Variants in TBC1D19 observed in about 807,000 individuals in gnomAD.
The protein encoded by TBC1D19 is TBC1 domain family member 19.
A neutral mutation model predicts 89.0 loss-of-function variants in TBC1D19; 60 were observed. The ratio of observed to expected loss-of-function variants is 0.67; its 90% confidence interval spans 0.55 to 0.84. The LOEUF (loss-of-function observed/expected upper bound fraction) is 0.84, where lower values mean the gene tolerates loss of function less well. Ranked by LOEUF, TBC1D19 falls within the 40% of genes least tolerant of loss-of-function variation. TBC1D19 has a pLI of 0.00. For missense variants in TBC1D19, 500 were observed against 610.8 expected (o/e 0.82, Z 1.91); for synonymous variants, 189 against 199.7 (o/e 0.95, Z 0.45).
chr4:26,765,213 G>T, the TBC1D19 span, among the ~76,000 whole-genome samples: 3 of 152,082 alleles, frequency 2.0e-5, no homozygotes, highest in African/African-American at 4.8e-5. Context: ...AGCAGAGGGG[G>T]TTTGCAAGAA....
the TBC1D19 span, among the ~76,000 whole-genome samples, chr4:26,771,418 A>G: frequency 1.3e-5 from 2 of 152,340 alleles, no homozygotes; most frequent in African/African-American, 4.8e-5. Context: ...CTAATAGTCA[A>G]GATATGGAAA....
At chr4:26,754,639 T>C (rs1056983629) in intron 20 of TBC1D19, among the ~76,000 whole-genome samples, 12 of 152,320 alleles carry the variant, frequency 7.9e-5, no homozygotes, top group African/African-American at 2.9e-4. Flanking sequence ...ACCTTGTATA[T>C]TTGAAGAAGA....
chr4:26,627,795 C>T (rs1010243229), intron 4 of TBC1D19, among the ~76,000 whole-genome samples: 8 of 152,050 alleles, frequency 5.3e-5, no homozygotes, highest in Non-Finnish European at 1.2e-4. Context: ...AGCTCTTTGT[C>T]AGATGAGTAG....
chr4:26,608,882 A>G (rs372476980), intron 1 of TBC1D19, among the ~76,000 whole-genome samples: 1 of 151,704 alleles, frequency 6.6e-6, no homozygotes, highest in South Asian at 2.1e-4. Flanking sequence ...ATGCACACGT[A>G]TGTTTATTGT....
downstream of TBC1D19, among the ~76,000 whole-genome samples, chr4:26,757,692 G>A (rs1231882047): frequency 6.6e-6 from 1 of 152,068 alleles, no homozygotes; most frequent in Non-Finnish European, 1.5e-5. Context: ...TATTTTGCAG[G>A]GAAAATAGAG....
At chr4:26,749,868 A>G (rs940727351) in intron 19 of TBC1D19, among the ~76,000 whole-genome samples, 2 of 152,164 alleles carry the variant, frequency 1.3e-5, no homozygotes, top group Non-Finnish European at 2.9e-5. Flanking sequence ...AGCAACTTCT[A>G]GTGTTCTGTC....
chr4:26,769,018 T>G, the TBC1D19 span, among the ~76,000 whole-genome samples: 2 of 151,858 alleles, frequency 1.3e-5, no homozygotes, highest in Non-Finnish European at 2.9e-5. Flanking sequence ...TGATAATAAA[T>G]TTAGCTAAAA....
chr4:26,621,480 C>A (rs1181510588), intron 4 of TBC1D19, among the ~76,000 whole-genome samples: 1 of 152,262 alleles, frequency 6.6e-6, no homozygotes, highest in Admixed American at 6.5e-5. Context: ...TGGAATATTT[C>A]AAAGGTACCT....
the TBC1D19 span, among the ~76,000 whole-genome samples, chr4:26,821,375 C>T: frequency 2.0e-5 from 3 of 152,286 alleles, no homozygotes; most frequent in East Asian, 5.8e-4. Context: ...CAAAATCTAC[C>T]ATTAACATTG....
chr4:26,591,834 A>G (rs1348678468), intron 1 of TBC1D19, among the ~76,000 whole-genome samples: 1 of 152,236 alleles, frequency 6.6e-6, no homozygotes, highest in Non-Finnish European at 1.5e-5. Context: ...TCTGAAATTG[A>G]GGCAATAATA....
chr4:26,738,381 T>C (rs1473237044), intron 16 of TBC1D19, among the ~76,000 whole-genome samples: 2 of 151,602 alleles, frequency 1.3e-5, no homozygotes, highest in Non-Finnish European at 3.0e-5. Context: ...ATATGCATCA[T>C]TTTTTAAAAA....
intron 13 of TBC1D19, among the ~76,000 whole-genome samples, chr4:26,692,618 A>G (rs1180991389): frequency 6.6e-6 from 1 of 152,204 alleles, no homozygotes; most frequent in East Asian, 1.9e-4. Context: ...CTTTATATGG[A>G]GTATAGGAAA....
chr4:26,783,798 CAT>C, the TBC1D19 span, among the ~76,000 whole-genome samples: 2 of 152,142 alleles, frequency 1.3e-5, no homozygotes, highest in African/African-American at 2.4e-5. Flanking sequence ...TTTGGAGAAA[CAT>C]GTGCTGCTCA....
intron 15 of TBC1D19, among the ~76,000 whole-genome samples, chr4:26,726,680 T>C (rs938719292): frequency 1.3e-5 from 2 of 152,236 alleles, no homozygotes; most frequent in Non-Finnish European, 2.9e-5. Flanking sequence ...AACAGAGGAA[T>C]TGATTACTTC....
chr4:26,742,871 A>C (rs1718449203), intron 18 of TBC1D19, among the ~76,000 whole-genome samples: 1 of 152,158 alleles, frequency 6.6e-6, no homozygotes, highest in Non-Finnish European at 1.5e-5. Context: ...TTCATAACGA[A>C]AGGTGTCAGC....
At position 26,697,530 on chromosome 4, in the gene TBC1D19, GA is replaced by G. The variant is rs567901711; in HGVS notation, c.954+9124del. 1.4e-4 allele frequency among the ~76,000 whole-genome samples: 22 copies of G among 152,264 alleles called. No homozygotes were observed. The South Asian group carries it at 4.1e-3, about 29-fold the overall frequency. The stretch of plus-strand genomic sequence containing the variant: ...CATTTTATGAGGCCAGCATCATCCT[GA>G]TACCAAAGCCTGGCAGAGACACAAC... On this transcript the variant is annotated intron_variant, in intron 13 of 20. Coordinates refer to ENST00000264866, the MANE Select transcript of TBC1D19 (RefSeq NM_018317.4).
intron 19 of TBC1D19, among the ~76,000 whole-genome samples, chr4:26,753,122 A>G (rs1283963725): frequency 6.6e-6 from 1 of 152,194 alleles, no homozygotes; most frequent in African/African-American, 2.4e-5. Flanking sequence ...CATTTGTGAC[A>G]CTCTAAGAAA....
chr4:26,599,000 G>A (rs1167113817), intron 1 of TBC1D19, among the ~76,000 whole-genome samples: 2 of 151,998 alleles, frequency 1.3e-5, no homozygotes, highest in Admixed American at 1.3e-4. Context: ...GTCTGGCGAT[G>A]ATTACACAAG....
the TBC1D19 span, among the ~76,000 whole-genome samples, chr4:26,810,561 T>C: frequency 1.3e-5 from 2 of 152,174 alleles, no homozygotes; most frequent in African/African-American, 2.4e-5. Flanking sequence ...AGTCAGTTCA[T>C]TGCAGTTCTC....
Sources: gnomAD v4.1 joint callset for allele counts (sites outside exome capture counted in the v4.1 genomes callset) on GRCh38, gnomAD v4.1.1 for gene constraint, MANE v1.5 for transcripts, NCBI Gene and HGNC (gene_info 2026-07-23, HGNC 2026-07-21) for gene names.